The following CPB2 variants were observed in gnomAD, a reference collection of about 807,000 sequenced individuals.
The protein encoded by CPB2 is carboxypeptidase B2.
In CPB2, 54 loss-of-function variants were observed where a neutral mutation model predicts 57.0. The observed-to-expected ratio is 0.95, with a 90% CI of 0.76 to 1.19. The LOEUF (loss-of-function observed/expected upper bound fraction) is 1.19. Ranked by LOEUF, CPB2 falls within the 50% of genes most tolerant of loss-of-function variation. The pLI, the probability that CPB2 is intolerant of heterozygous loss-of-function variation, is 0.00. For synonymous variants in CPB2, 189 were observed against 178.1 expected (o/e 1.06, Z -0.49); for missense variants, 426 against 512.0 (o/e 0.83, Z 1.62).
At chr13:46,099,002 A>C (rs975761652) in intron 1 of CPB2, 1 of 152,206 alleles carries the variant, frequency 6.6e-6, no homozygotes, top group Non-Finnish European at 1.5e-5. Context: ...GAGTGGTATA[A>C]ATATTCTGCT....
intron 5 of CPB2, among the ~76,000 whole-genome samples, chr13:46,077,732 G>A (rs1199276008): frequency 6.6e-6 from 1 of 152,034 alleles, no homozygotes; most frequent in Non-Finnish European, 1.5e-5. Flanking sequence ...AAGAAAATGT[G>A]GATATGCATG....
intron 5 of CPB2, among the ~76,000 whole-genome samples, chr13:46,076,805 T>G (rs1011357261): frequency 6.6e-6 from 1 of 152,212 alleles, no homozygotes; most frequent in Non-Finnish European, 1.5e-5. Context: ...TAACTCATTT[T>G]CAACAAAGGC....
intron 1 of CPB2, 138 bp downstream of exon 1, chr13:46,104,798 G>T: frequency 2.2e-6 from 2 of 895,962 alleles, no homozygotes; most frequent in Non-Finnish European, 1.7e-6. Context: ...ATTTGTCAGG[G>T]CAACTTGGAA....
At chr13:46,065,830 A>G (rs1433175857) in intron 7 of CPB2, among the ~76,000 whole-genome samples, 1 of 152,116 alleles carries the variant, frequency 6.6e-6, no homozygotes, top group Non-Finnish European at 1.5e-5. Flanking sequence ...ATAATAGGGT[A>G]ATGATACAAA....
At chr13:46,087,388 G>A (rs2045226630) in intron 2 of CPB2, among the ~76,000 whole-genome samples, 1 of 152,270 alleles carries the variant, frequency 6.6e-6, no homozygotes, top group Admixed American at 6.5e-5. Flanking sequence ...GTGCCTGGGT[G>A]AGAATTTTAA....
chr13:46,099,611 A>T (rs2045408924), intron 1 of CPB2: 1 of 152,204 alleles, frequency 6.6e-6, no homozygotes, highest in African/African-American at 2.4e-5. Context: ...AGAGCATAAT[A>T]TGTCTGGGGG....
In CPB2 at chr13:46,058,401, G is replaced by A. The variant is rs1365288596; in HGVS notation, c.797-20C>T. 1.9e-6 allele frequency: 3 copies of A among 1,608,680 alleles called. No homozygotes were observed. ...CTTCCTCTGTAACGAAATTGTTAAG[G>A]TGAAATTATGAGGGGATGCACATAG... On this transcript the variant is annotated intron_variant, in intron 8 of 10. Coordinates refer to ENST00000181383, the MANE Select transcript of CPB2 (RefSeq NM_001872.5).
intron 4 of CPB2, among the ~76,000 whole-genome samples, chr13:46,079,823 C>G (rs2045084501): frequency 2.0e-5 from 3 of 152,156 alleles, no homozygotes; most frequent in African/African-American, 7.2e-5. Flanking sequence ...TCCTTGGGTT[C>G]TCTGAGATCA....
At chr13:46,083,472 G>A (rs1316438236) in intron 3 of CPB2, among the ~76,000 whole-genome samples, 1 of 151,962 alleles carries the variant, frequency 6.6e-6, no homozygotes, top group East Asian at 1.9e-4. Context: ...TATTATCCAG[G>A]GGGCACCCAT....
chr13:46,067,764 A>G (rs2044878152), intron 6 of CPB2, among the ~76,000 whole-genome samples: 1 of 152,224 alleles, frequency 6.6e-6, no homozygotes, highest in Non-Finnish European at 1.5e-5. Context: ...CTTTTTCTGT[A>G]ATTCATGTTC....
chr13:46,093,228 A>G (rs940030508), intron 1 of CPB2, among the ~76,000 whole-genome samples: 1 of 152,204 alleles, frequency 6.6e-6, no homozygotes, highest in Admixed American at 6.5e-5. Context: ...AACTTTAACA[A>G]GGGTGGAGGG....
chr13:46,058,281 A>G lies in CPB2; in HGVS notation c.897T>C (p.Asn299=). ...TGATGTATGCTTTAATCTGGTTGAT[A>G]TTTCTTCTCAAGAAACTAGCCACTG... is the stretch of plus-strand genomic sequence containing the variant. ...VKAVASFLRR[N]INQIKAYISM... is the part of the protein sequence containing the mutation. Residue 299 remains asparagine, a synonymous_variant, in exon 9 of 11, where the codon AAT becomes AAC. Transcript: ENST00000181383. The G allele has an allele frequency of 6.2e-7, 1 of 1,614,096 alleles. No homozygotes were observed. Among genetic ancestry groups the G allele is most frequent in the African/African-American group, 1.3e-5 (1 of 75,048 alleles).
chr13:46,088,138 T>C (rs769365565), intron 1 of CPB2, among the ~76,000 whole-genome samples: 3 of 152,192 alleles, frequency 2.0e-5, no homozygotes, highest in Non-Finnish European at 4.4e-5. Flanking sequence ...GGAATATTTA[T>C]GCTGATCCTA....
At chr13:46,084,084 T>C in intron 3 of CPB2, 135 bp downstream of exon 3, 1 of 1,048,628 alleles carries the variant, frequency 9.5e-7, no homozygotes, top group South Asian at 1.6e-5. Flanking sequence ...ACCAGTCCAT[T>C]TGGTCCAGTC....
chr13:46,082,883 T>C (rs1322901180), intron 3 of CPB2, among the ~76,000 whole-genome samples: 1 of 152,206 alleles, frequency 6.6e-6, no homozygotes, highest in Admixed American at 6.5e-5. Flanking sequence ...AATGTACCTT[T>C]GTTCAATCCA....
Position 46,065,245 on chromosome 13 carries a change from C to A in CPB2, c.703-504G>T, listed in dbSNP as rs536145222. Among the ~76,000 whole-genome samples the A allele has an allele frequency of 2.8e-4, 43 of 152,248 alleles. 1 individual carries two copies. In the South Asian group the frequency reaches 8.5e-3, roughly 30 times the overall value. ...GACACCTTTAATCTGATGACTTCTT[C>A]GATTGTGCTGATTTGACTCTGGTTT... On this transcript the variant is annotated intron_variant, in intron 7 of 10. Coordinates refer to ENST00000181383, the MANE Select transcript of CPB2 (RefSeq NM_001872.5).
chr13:46,081,869 C>T (rs1247978015), intron 4 of CPB2, among the ~76,000 whole-genome samples: 8 of 152,184 alleles, frequency 5.3e-5, no homozygotes, highest in Non-Finnish European at 1.5e-5. Context: ...ACCTGCACAT[C>T]AACATCTTAC....
chr13:46,063,486 T>C (rs1404795697), intron 8 of CPB2, among the ~76,000 whole-genome samples: 1 of 152,208 alleles, frequency 6.6e-6, no homozygotes, highest in Non-Finnish European at 1.5e-5. Context: ...CATGTTGCTG[T>C]AAAGGACATA....
intron 1 of CPB2, among the ~76,000 whole-genome samples, chr13:46,093,337 G>A (rs979812645): frequency 2.0e-4 from 31 of 152,220 alleles, no homozygotes; most frequent in Non-Finnish European, 4.1e-4. Flanking sequence ...TAGCTAGACT[G>A]AGAAATTTTA....
Sources: allele counts gnomAD v4.1 joint callset (sites outside exome capture counted in the v4.1 genomes callset), GRCh38; gene constraint gnomAD v4.1.1; transcripts MANE v1.5; gene names NCBI Gene and HGNC (gene_info 2026-07-23, HGNC 2026-07-21).